Variants in COG5 observed in about 807,000 individuals in gnomAD.
The protein encoded by COG5 is component of oligomeric golgi complex 5, also known as conserved oligomeric Golgi complex subunit 5.
Under a neutral mutation model 110.4 loss-of-function variants are expected in COG5, and 86 were observed. That is an observed-to-expected ratio of 0.78 (90% CI 0.65 to 0.93). The LOEUF (loss-of-function observed/expected upper bound fraction) is 0.93. COG5 is among the 40% of genes least tolerant of loss of function. The probability of loss-of-function intolerance (pLI) is 0.00; values close to 1 mark genes in which losing one functional copy is unlikely to be tolerated. For missense variants in COG5, 1,077 were observed against 987.0 expected (o/e 1.09, Z -1.22); for synonymous variants, 360 against 334.6 (o/e 1.08, Z -0.83).
intron 3 of COG5, 44 bp from the exon 4 acceptor site, chr7:107,548,376 C>A (rs371688629): frequency 9.5e-5 from 146 of 1,533,456 alleles, no homozygotes; most frequent in Non-Finnish European, 1.3e-4. Context: ...ATTTACAGGG[C>A]ATCCAACTGG....
intron 3 of COG5, 120 bp downstream of exon 3, chr7:107,554,165 T>G (rs114322086): frequency 2.5e-6 from 2 of 793,994 alleles, no homozygotes; most frequent in Non-Finnish European, 4.4e-6. Context: ...AGTTTAGTAG[T>G]TGCAACAGAG....
chr7:107,221,244 T>C (rs925773209), intron 19 of COG5, among the ~76,000 whole-genome samples: 1 of 152,040 alleles, frequency 6.6e-6, no homozygotes, highest in African/African-American at 2.4e-5. Context: ...AGGGTTCATC[T>C]TGAACCCTAG....
chr7:107,535,297 G>C lies in COG5; in HGVS notation c.418-7940C>G, dbSNP rs1584942616. ...GAGCAAACAAATGCAAAATCTAGCA[G>C]AAGACAAGAAATAACTAAGAGCAGA... On this transcript the variant is annotated intron_variant, in intron 5 of 21. Transcript: ENST00000297135. 1.3e-5 allele frequency among the ~76,000 whole-genome samples: 2 copies of C among 151,550 alleles called. 1 individual carries two copies. Among genetic ancestry groups the C allele is most frequent in the African/African-American group, 4.9e-5 (2 of 40,878 alleles).
chr7:107,398,128 T>C (rs911016459), intron 7 of COG5, among the ~76,000 whole-genome samples: 18 of 152,152 alleles, frequency 1.2e-4, no homozygotes, highest in Non-Finnish European at 2.5e-4. Context: ...AACTAGACTT[T>C]ATCAAAACAA....
intron 6 of COG5, among the ~76,000 whole-genome samples, chr7:107,523,377 A>G (rs1445338215): frequency 6.6e-6 from 1 of 151,816 alleles, no homozygotes; most frequent in Non-Finnish European, 1.5e-5. Context: ...AACCTTACTC[A>G]ACTCTTTTAT....
At chr7:107,250,211 T>A (rs1232540579) in intron 16 of COG5, among the ~76,000 whole-genome samples, 2 of 151,840 alleles carry the variant, frequency 1.3e-5, no homozygotes, top group African/African-American at 4.8e-5. Context: ...AGAGGGAGCT[T>A]GAAAAGGAGA....
intron 6 of COG5, among the ~76,000 whole-genome samples, chr7:107,453,769 A>C (rs1266834485): frequency 6.6e-6 from 1 of 152,170 alleles, no homozygotes; most frequent in Admixed American, 6.5e-5. Context: ...AAAAGATTCA[A>C]ATACTTAACA....
intron 13 of COG5, among the ~76,000 whole-genome samples, chr7:107,281,699 T>C (rs1240717761): frequency 6.6e-6 from 1 of 152,162 alleles, no homozygotes; most frequent in East Asian, 1.9e-4. Context: ...CTCTTGCTAA[T>C]ACTGATAAAG....
chr7:107,537,215 ATATACCCAAAGGATTATAAATCATTC>A (rs1287851731), intron 5 of COG5, among the ~76,000 whole-genome samples: 148 of 152,306 alleles, frequency 9.7e-4, no homozygotes, highest in Non-Finnish European at 1.5e-3. Flanking sequence ...ATTACAGGGT[ATATACCCAAAGGATTATAAATCATTC>A]TATACCCAAA....
intron 12 of COG5, among the ~76,000 whole-genome samples, chr7:107,291,868 C>A (rs1350683255): frequency 6.6e-6 from 1 of 152,198 alleles, no homozygotes; most frequent in Non-Finnish European, 1.5e-5. Context: ...CAAGTCTCCT[C>A]CCATTGCCTT....
At chr7:107,312,688 G>A (rs1163799159) in intron 11 of COG5, among the ~76,000 whole-genome samples, 1 of 152,190 alleles carries the variant, frequency 6.6e-6, no homozygotes, top group East Asian at 1.9e-4. Flanking sequence ...ATTAATGAGT[G>A]CTGAGGAAAT....
chr7:107,310,411 T>A (rs543187051), intron 11 of COG5, among the ~76,000 whole-genome samples: 171 of 152,318 alleles, frequency 1.1e-3, no homozygotes, highest in African/African-American at 2.8e-3. Context: ...GCATTTTTTT[T>A]AAAATACATC....
At chr7:107,459,208 C>T (rs1198140814) in intron 6 of COG5, among the ~76,000 whole-genome samples, 2 of 151,902 alleles carry the variant, frequency 1.3e-5, no homozygotes, top group African/African-American at 4.8e-5. Context: ...ACAGAAAATA[C>T]ACCTCAAAAA....
intron 14 of COG5, among the ~76,000 whole-genome samples, chr7:107,273,854 G>T (rs1027807986): frequency 4.6e-5 from 7 of 151,960 alleles, no homozygotes; most frequent in Non-Finnish European, 1.0e-4. Flanking sequence ...AATAGAAAAG[G>T]GAAAATGTTT....
At chr7:107,335,961 A>G (rs1377883388) in intron 10 of COG5, among the ~76,000 whole-genome samples, 1 of 152,210 alleles carries the variant, frequency 6.6e-6, no homozygotes, top group Non-Finnish European at 1.5e-5. Context: ...GAAACATCCA[A>G]GTATATAAAG....
At chr7:107,292,718 A>T (rs1198244549) in intron 12 of COG5, among the ~76,000 whole-genome samples, 1 of 152,176 alleles carries the variant, frequency 6.6e-6, no homozygotes, top group Admixed American at 6.6e-5. Flanking sequence ...AGAACTCCCC[A>T]AACCTCCATG....
At chr7:107,251,133 C>CAAAAAAAAAAAA (rs564589238) in intron 16 of COG5, among the ~76,000 whole-genome samples, 3 of 54,852 alleles carry the variant, frequency 5.5e-5, no homozygotes, top group Non-Finnish European at 1.3e-4. Flanking sequence ...TGAAACTAGC[C>CAAAAAAAAAAAA]AAAAAAAAAA....
At chr7:107,208,790 T>C (rs1798950312) in intron 21 of COG5, 2 of 985,526 alleles carry the variant, frequency 2.0e-6, no homozygotes, top group Non-Finnish European at 2.4e-6. Context: ...TCATGTGGGA[T>C]GTGGGTACCA....
In COG5 at chr7:107,554,320, A is replaced by G; in HGVS notation, c.257T>C (p.Leu86Ser). The change falls in exon 3 of 22, where the codon TTA (leucine) becomes TCA (serine). Residue 86 changes from leucine (L) to serine (S), a missense_variant. Leu to Ser is a moderately radical substitution (Grantham distance 145). Transcript: ENST00000297135. ...CTCAATCCCAGTTGCTTGTGCCAGT[A>G]AATCTTCATGTCTTGCAACAACCTG... is the stretch of plus-strand genomic sequence containing the variant. ...HLQVVARHED[L>S]LAQATGIESL... is the part of the protein sequence containing the mutation. The G allele has an allele frequency of 6.2e-7, 1 of 1,614,052 alleles. No homozygotes were observed. The highest frequency in any genetic ancestry group is 1.1e-5 in the South Asian group (1 of 91,072).
Sources: allele counts gnomAD v4.1 joint callset (sites outside exome capture counted in the v4.1 genomes callset), GRCh38; gene constraint gnomAD v4.1.1; transcripts MANE v1.5; gene names NCBI Gene and HGNC (gene_info 2026-07-23, HGNC 2026-07-21).